Variants in NTSR1 observed in about 807,000 individuals in gnomAD.
The protein encoded by NTSR1 is neurotensin receptor type 1.
NTSR1 carries 29 observed loss-of-function variants against 31.2 expected under a neutral mutation model. The ratio of observed to expected loss-of-function variants is 0.93; its 90% CI spans 0.69 to 1.27. The LOEUF is 1.27. Among genes scored for constraint, NTSR1 ranks in the 50% most tolerant of loss-of-function variants. The probability of loss-of-function intolerance (pLI) is 0.00; values close to 1 mark genes in which losing one functional copy is unlikely to be tolerated. For missense variants in NTSR1, 697 were observed against 595.4 expected (o/e 1.17, Z -1.78); for synonymous variants, 282 against 269.9 (o/e 1.04, Z -0.44).
chr20:62,717,698 A>G (rs993173658), intron 1 of NTSR1, among the ~76,000 whole-genome samples: 2 of 152,126 alleles, frequency 1.3e-5, no homozygotes, highest in Admixed American at 1.3e-4. Flanking sequence ...AGGCAGGAGG[A>G]ATTCTCTTCT....
rs1988698171 is a variant in NTSR1 at position 62,715,503 on chromosome 20, G to C, written c.714+5582G>C. Among the ~76,000 whole-genome samples the C allele has an allele frequency of 6.6e-6, 1 of 152,262 alleles. No individual in the cohort carries two copies. Among genetic ancestry groups the C allele is most frequent in the Non-Finnish European group, 1.5e-5 (1 of 68,042 alleles). On this transcript the variant is annotated intron_variant, in intron 1 of 3. Transcript: ENST00000370501. The surrounding 1 kb of genome is among the most constrained non-coding windows in gnomAD (Gnocchi z 4.7). Reference sequence around the variant, plus strand: ...TCAGGCTTTTGAGTGAGATGGGCAAGGGTGGGAACGTGAGGGGCCCAGAGC... The same window carrying C: ...TCAGGCTTTTGAGTGAGATGGGCAACGGTGGGAACGTGAGGGGCCCAGAGC...
chr20:62,762,500 G>A lies in NTSR1; in HGVS notation c.*2233G>A, dbSNP rs1258833317. ...TGATGCTCCTATCTGTGCACTTACC[G>A]TAGGTAGGGACACGTGTCCACGCAC... is the stretch of plus-strand genomic sequence containing the variant. On this transcript the variant is annotated 3_prime_UTR_variant, in exon 4 of 4. Transcript: ENST00000370501. 6.3e-5 allele frequency: 8 copies of A among 126,148 alleles called. No individual in the cohort carries two copies. Among genetic ancestry groups the A allele is most frequent in the African/African-American group, 3.9e-4 (7 of 17,970 alleles). The allele number at this position is 126,148 out of a possible 1,614,324, so 7.8% of individuals were successfully genotyped here.
chr20:62,748,021 C>T (rs1459777156), intron 1 of NTSR1, among the ~76,000 whole-genome samples: 2 of 152,014 alleles, frequency 1.3e-5, no homozygotes, highest in Non-Finnish European at 2.9e-5. Context: ...ACTAAAAATA[C>T]AAAATTAGCT....
At chr20:62,755,367 T>C (rs1374940286) in intron 2 of NTSR1, among the ~76,000 whole-genome samples, 1 of 20,548 alleles carries the variant, frequency 4.9e-5, no homozygotes, top group Non-Finnish European at 8.9e-5. Context: ...CTTCCTCCCT[T>C]CATCCCTCCA....
intron 1 of NTSR1, among the ~76,000 whole-genome samples, chr20:62,748,555 C>T (rs1356303985): frequency 6.6e-6 from 1 of 152,176 alleles, no homozygotes; most frequent in African/African-American, 2.4e-5. Context: ...GTAATCAAAA[C>T]AGCATGGTAC....
In NTSR1 at chr20:62,745,380, C is replaced by A. The variant is rs1264613260; in HGVS notation, c.715-9305C>A. ...AGAGACAGAGATAGAGACAGAGACA[C>A]AGAGATATAGAGATAGAGACACAGA... On this transcript the variant is annotated intron_variant, in intron 1 of 3. Transcript: ENST00000370501. This position sits in a 1 kb window ranked among gnomAD's most constrained non-coding sequence, Gnocchi z 4.1. Among the ~76,000 whole-genome samples the A allele has an allele frequency of 6.6e-6, 1 of 151,574 alleles. No homozygotes were observed.
intron 2 of NTSR1, among the ~76,000 whole-genome samples, chr20:62,755,942 T>C (rs1176754383): frequency 7.7e-6 from 1 of 130,246 alleles, no homozygotes; most frequent in Non-Finnish European, 1.7e-5. Context: ...CCTCCCTTGT[T>C]CCATTCCTCC....
chr20:62,730,678 G>A (rs1568701265), intron 1 of NTSR1, among the ~76,000 whole-genome samples: 1 of 152,270 alleles, frequency 6.6e-6, no homozygotes, highest in East Asian at 1.9e-4. Context: ...TTCCAGCACG[G>A]CTGCGCCATT....
At position 62,709,695 on chromosome 20, in the gene NTSR1, G is replaced by C. The variant is rs1243340021; in HGVS notation, c.488G>C (p.Ser163Thr). The C allele has an allele frequency of 3.1e-6, 5 of 1,612,688 alleles. No individual in the cohort carries two copies. Among genetic ancestry groups the C allele is most frequent in the East Asian group, 2.2e-5 (1 of 44,874 alleles). ...YATALNVASL[S>T]VERYLAICHP... ...ACGGCCCTCAACGTGGCCAGCCTGA[G>C]TGTGGAGCGCTACCTGGCCATCTGC... The change falls in exon 1 of 4, where the codon AGT becomes ACT. Residue 163 changes from serine to threonine, a missense_variant. Ser to Thr is a moderately conservative substitution (Grantham distance 58). Coordinates refer to ENST00000370501, the MANE Select transcript of NTSR1 (RefSeq NM_002531.3).
chr20:62,754,903 C>G lies in NTSR1; in HGVS notation c.916+17C>G. ...GCGTCCTACGTACGTAACCTCTGGG[C>G]CCTCCAGGGGCGGGAGGCAGGCCAG... On this transcript the variant is annotated intron_variant, in intron 2 of 3. Transcript: ENST00000370501. 1 of 1,575,924 alleles carries G rather than the reference C, an allele frequency of 6.3e-7. No individual in the cohort carries two copies. The highest frequency in any genetic ancestry group is 2.3e-5 in the East Asian group (1 of 44,236).
intron 1 of NTSR1, among the ~76,000 whole-genome samples, chr20:62,752,510 AC>A (rs1989411082): frequency 6.6e-6 from 1 of 152,190 alleles, no homozygotes; most frequent in Non-Finnish European, 1.5e-5. Flanking sequence ...CTGTCCCCAC[AC>A]GTGGCCCTGC....
rs117586800 is a variant in NTSR1 at position 62,715,006 on chromosome 20, G to A, written c.714+5085G>A. 5.9e-5 allele frequency among the ~76,000 whole-genome samples: 9 copies of A among 152,326 alleles called. No individual in the cohort carries two copies. The highest frequency in any genetic ancestry group is 1.3e-4 in the Non-Finnish European group (9 of 68,042). On this transcript the variant is annotated intron_variant, in intron 1 of 3. Coordinates refer to ENST00000370501, the MANE Select transcript of NTSR1 (RefSeq NM_002531.3). The surrounding 1 kb of genome is among the most constrained non-coding windows in gnomAD (Gnocchi z 4.7). ...TGCAATGTCTCAGATTTACTGAAGC[G>A]TGATCTGGGGGAAGGGGCTGTGGGA... is the stretch of plus-strand genomic sequence containing the variant.
chr20:62,713,218 C>T (rs1055125158), intron 1 of NTSR1, among the ~76,000 whole-genome samples: 5 of 152,234 alleles, frequency 3.3e-5, no homozygotes, highest in Non-Finnish European at 7.3e-5. Context: ...GCCTCCCTGC[C>T]TCCTCCTTGT....
At chr20:62,717,610 G>A (rs557362346) in intron 1 of NTSR1, among the ~76,000 whole-genome samples, 8 of 152,276 alleles carry the variant, frequency 5.3e-5, no homozygotes, top group East Asian at 3.9e-4. Context: ...GGACTCAATC[G>A]CCCATGAGCA....
At chr20:62,756,433 T>G (rs970126840) in intron 2 of NTSR1, among the ~76,000 whole-genome samples, 1 of 152,270 alleles carries the variant, frequency 6.6e-6, no homozygotes, top group African/African-American at 2.4e-5. Context: ...AGCCCTTTCA[T>G]GCCTGAGACC....
chr20:62,753,749 G>T (rs189266905), intron 1 of NTSR1, among the ~76,000 whole-genome samples: 160 of 152,374 alleles, frequency 1.1e-3, no homozygotes, highest in African/African-American at 3.6e-3. Flanking sequence ...GCCCCAGGGA[G>T]GGGTGCCGGT....
At position 62,733,991 on chromosome 20, in the gene NTSR1, G is replaced by C. The variant is rs150037796; in HGVS notation, c.715-20694G>C. Among the ~76,000 whole-genome samples, 400 of 152,350 alleles carry C rather than the reference G, an allele frequency of 2.6e-3. 1 individual carries two copies. The highest frequency in any genetic ancestry group is 9.2e-3 in the African/African-American group (382 of 41,580). On this transcript the variant is annotated intron_variant, in intron 1 of 3. Coordinates refer to ENST00000370501, the MANE Select transcript of NTSR1 (RefSeq NM_002531.3). The surrounding 1 kb of genome is among the most constrained non-coding windows in gnomAD (Gnocchi z 5.2). The stretch of plus-strand genomic sequence containing the variant: ...TGGTTTTGGGTGCTGAGCCAGCCCA[G>C]CTTGGAGGGGGTTTCGTTTCACAGA...
In NTSR1 at chr20:62,760,544, A is replaced by C. The variant is rs2147151572; in HGVS notation, c.*277A>C. On this transcript the variant is annotated 3_prime_UTR_variant, in exon 4 of 4. Coordinates refer to ENST00000370501, the MANE Select transcript of NTSR1 (RefSeq NM_002531.3). ...TCTCCCAGATAGGAAAAGGGCCTCT[A>C]ACAAGGAGAAATTAGTGTGCGGCAA... The C allele has an allele frequency of 2.5e-6, 1 of 404,898 alleles. No individual in the cohort carries two copies. The highest frequency in any genetic ancestry group is 3.8e-5 in the East Asian group (1 of 26,576). The allele number at this position is 404,898 out of a possible 1,614,324, so 25.1% of individuals were successfully genotyped here.
At chr20:62,717,196 C>T (rs528325185) in intron 1 of NTSR1, among the ~76,000 whole-genome samples, 28 of 152,334 alleles carry the variant, frequency 1.8e-4, no homozygotes, top group Admixed American at 9.1e-4. Context: ...TGGAGTGCCA[C>T]GTGGACCTGG....
Sources: allele counts gnomAD v4.1 joint callset (sites outside exome capture counted in the v4.1 genomes callset), GRCh38; gene constraint gnomAD v4.1.1; non-coding constraint Gnocchi (gnomAD v3.1); transcripts MANE v1.5; gene names NCBI Gene and HGNC (gene_info 2026-07-23, HGNC 2026-07-21).